Variants in UGT2A1 observed in about 807,000 individuals in gnomAD.
UGT2A1 encodes the protein UDP-glucuronosyltransferase 2A1.
UGT2A1 carries 61 observed loss-of-function variants against 45.4 expected under a neutral mutation model. The ratio of observed to expected loss-of-function variants is 1.34; its 90% CI spans 1.09 to 1.66. UGT2A1 has a LOEUF of 1.66. Ranked by LOEUF, UGT2A1 falls within the 40% of genes most tolerant of loss-of-function variation. The probability of loss-of-function intolerance (pLI) is 0.00; values close to 1 mark genes in which losing one functional copy is unlikely to be tolerated. For synonymous variants in UGT2A1, 229 were observed against 196.2 expected (o/e 1.17, Z -1.40); for missense variants, 649 against 574.3 (o/e 1.13, Z -1.33).
At position 69,638,791 on chromosome 4, in the gene UGT2A1, C is replaced by G. The variant is rs894479278; in HGVS notation, c.716-2969G>C. ...TGTTTGTACAGAGATATAAGAAGTCCATTATCTTCAGCTCAGCATATGCAG... is the reference window on the plus strand; with the variant it reads ...TGTTTGTACAGAGATATAAGAAGTCGATTATCTTCAGCTCAGCATATGCAG... On this transcript the variant is annotated intron_variant, in intron 2 of 6. Coordinates refer to ENST00000286604, the MANE Select transcript of UGT2A1 (RefSeq NM_001252275.3). 5.2e-6 allele frequency: 7 copies of G among 1,341,288 alleles called. No homozygotes were observed. The East Asian group carries it at 1.8e-4, about 34-fold the overall frequency. 83.1% of individuals were successfully genotyped at this position (1,341,288 alleles called of 1,614,324 possible). A position where few individuals can be genotyped will look rare whatever the true frequency, so the allele number is the denominator to read the frequency against.
rs779140284 is a variant in UGT2A1, at chr4:69,604,120, C to T, written c.848-4726G>A. 2.2e-5 allele frequency among the ~76,000 whole-genome samples: 3 copies of T among 135,312 alleles called. 1 individual carries two copies. Among genetic ancestry groups the T allele is most frequent in the Non-Finnish European group, 4.7e-5 (3 of 63,864 alleles). 88.8% of individuals were successfully genotyped at this position (135,312 alleles called of 152,430 possible). A position where few individuals can be genotyped will look rare whatever the true frequency, so the allele number is the denominator to read the frequency against. The stretch of plus-strand genomic sequence containing the variant: ...AACTCCAAGACACATAATTGTCAGA[C>T]TCACCAAAGTAGAAATGAAGGAAAA... On this transcript the variant is annotated intron_variant, in intron 3 of 6. Transcript: ENST00000286604.
chr4:69,599,131 A>C, intron 4 of UGT2A1, 115 bp downstream of exon 4: 1 of 1,399,194 alleles, frequency 7.1e-7, no homozygotes, highest in Non-Finnish European at 9.4e-7. Context: ...ATAGATGTGG[A>C]GTAGCAAACT....
chr4:69,589,434 G>T lies in UGT2A1; in HGVS notation c.1522C>A (p.Gln508Lys), dbSNP rs1718452548. 6.2e-7 allele frequency: 1 copy of T among 1,613,542 alleles called. No individual in the cohort carries two copies. The highest frequency in any genetic ancestry group is 8.5e-7 in the Non-Finnish European group (1 of 1,179,836). The change falls in exon 7 of 7, where the codon CAA becomes AAA. Residue 508 changes from glutamine to lysine, a missense_variant. Coordinates refer to ENST00000286604, the MANE Select transcript of UGT2A1 (RefSeq NM_001252275.3). ...TTTTGACAGGAAAACAAACAACATT[G>T]TATGACCAAAAATATAGCCGTTGTC... ...CVTTAIFLVI[Q>K]CCLFSCQKFG...
rs1718470160 is a variant in UGT2A1, at chr4:69,589,574, C to T, written c.1382G>A (p.Trp461Ter). ...TTTGTGGCGCATGACAAACTCGATC[C>T]AGAAGACTGCTCGATCCAGGGGCTT... ...PVKPLDRAVF[W>*]IEFVMRHKGA... Residue 461 changes from tryptophan (W) to a stop codon, truncating the protein, a stop_gained, in exon 7 of 7, where the codon TGG becomes TAG. Coordinates refer to ENST00000286604, the MANE Select transcript of UGT2A1 (RefSeq NM_001252275.3). LOFTEE classifies it high-confidence loss of function. The T allele has an allele frequency of 1.9e-6, 3 of 1,614,012 alleles. No individual in the cohort carries two copies. Among genetic ancestry groups the T allele is most frequent in the East Asian group, 4.5e-5 (2 of 44,886 alleles).
chr4:69,639,928 A>G (rs770310695), intron 2 of UGT2A1, among the ~76,000 whole-genome samples: 4 of 151,986 alleles, frequency 2.6e-5, no homozygotes, highest in Admixed American at 6.6e-5. Context: ...TCTTTAATAT[A>G]TTTTTCACTA....
intron 3 of UGT2A1, among the ~76,000 whole-genome samples, chr4:69,600,083 AG>A (rs1719180536): frequency 6.6e-6 from 1 of 152,188 alleles, no homozygotes; most frequent in African/African-American, 2.4e-5. Context: ...CTTTGAAAAA[AG>A]TGGTGGGCAG....
Position 69,606,966 on chromosome 4 carries a change from T to C in UGT2A1, c.848-7572A>G, listed in dbSNP as rs1263483242. 4.4e-5 allele frequency among the ~76,000 whole-genome samples: 6 copies of C among 136,452 alleles called. 1 individual carries two copies. 89.5% of individuals were successfully genotyped at this position (136,452 alleles called of 152,430 possible). On this transcript the variant is annotated intron_variant, in intron 3 of 6. Transcript: ENST00000286604. Reference sequence around the variant, plus strand: ...ATTCCATGCTCATGGGTAGGAAGAATCAATATCGAGAAAATGGCCATACTG... The same window carrying C: ...ATTCCATGCTCATGGGTAGGAAGAACCAATATCGAGAAAATGGCCATACTG...
intron 3 of UGT2A1, among the ~76,000 whole-genome samples, chr4:69,617,400 T>C (rs1449223960): frequency 6.6e-6 from 1 of 151,936 alleles, no homozygotes; most frequent in Non-Finnish European, 1.5e-5. Context: ...TACTTATGTT[T>C]ATACAAAGAT....
intron 1 of UGT2A1, among the ~76,000 whole-genome samples, chr4:69,648,577 T>A (rs1333343077): frequency 6.6e-6 from 1 of 151,996 alleles, no homozygotes; most frequent in East Asian, 1.9e-4. Context: ...TTCCTTATTT[T>A]AAAAATTATC....
Position 69,595,558 on chromosome 4 carries a change from G to A in UGT2A1, c.997-309C>T, listed in dbSNP as rs1006060588. 2.6e-5 allele frequency among the ~76,000 whole-genome samples: 4 copies of A among 152,140 alleles called. No homozygotes were observed. In the South Asian group the frequency reaches 8.3e-4, roughly 32 times the overall value. ...GTTTAATCAATCACAACATGAAGGG[G>A]AAAAATCATGAAGAGTGTTATGTGC... On this transcript the variant is annotated intron_variant, in intron 4 of 6. Coordinates refer to ENST00000286604, the MANE Select transcript of UGT2A1 (RefSeq NM_001252275.3).
Position 69,647,472 on chromosome 4 carries a change from G to T in UGT2A1, c.173C>A (p.Ala58Glu). 2 of 1,613,054 alleles carry T rather than the reference G, an allele frequency of 1.2e-6. No homozygotes were observed. Among genetic ancestry groups the T allele is most frequent in the Non-Finnish European group, 8.5e-7 (1 of 1,179,362 alleles). ...GTTAGAGGTTGGTGTGATGAAAAGT[G>T]CACCAGAGGCAACTAGGACAGTCAC... is the stretch of plus-strand genomic sequence containing the variant. The part of the protein sequence containing the change: ...HNVTVLVASG[A>E]LFITPTSNPS... The change falls in exon 2 of 7, where the codon GCA becomes GAA. Residue 58 changes from alanine to glutamate, a missense_variant. Coordinates refer to ENST00000286604, the MANE Select transcript of UGT2A1 (RefSeq NM_001252275.3).
intron 2 of UGT2A1, among the ~76,000 whole-genome samples, chr4:69,637,276 A>G (rs1721764339): frequency 2.6e-5 from 4 of 152,122 alleles, no homozygotes; most frequent in African/African-American, 9.7e-5. Flanking sequence ...TTTACCTTGC[A>G]TATGTTTTAT....
chr4:69,618,827 T>C (rs1720566535), intron 3 of UGT2A1, among the ~76,000 whole-genome samples: 2 of 151,828 alleles, frequency 1.3e-5, no homozygotes, highest in Non-Finnish European at 2.9e-5. Context: ...GAAACAACTA[T>C]TAAATGACAA....
intron 2 of UGT2A1, among the ~76,000 whole-genome samples, chr4:69,645,215 C>T (rs759001664): frequency 6.6e-6 from 1 of 151,748 alleles, no homozygotes; most frequent in Non-Finnish European, 1.5e-5. Flanking sequence ...GAGATTACCT[C>T]TGAGATCTCA....
At chr4:69,651,292 A>G (rs1424440495) in intron 1 of UGT2A1, among the ~76,000 whole-genome samples, 1 of 152,210 alleles carries the variant, frequency 6.6e-6, no homozygotes, top group Non-Finnish European at 1.5e-5. Context: ...AAATCACTGA[A>G]AAGCTAATCT....
intron 6 of UGT2A1, 83 bp from the exon 7 acceptor site, chr4:69,589,734 C>G: frequency 6.6e-7 from 1 of 1,517,636 alleles, no homozygotes; most frequent in Non-Finnish European, 8.8e-7. Flanking sequence ...CACTTTTGCT[C>G]TACAAGTTTA....
At chr4:69,626,367 A>G (rs1164124653) in intron 3 of UGT2A1, among the ~76,000 whole-genome samples, 1 of 151,628 alleles carries the variant, frequency 6.6e-6, no homozygotes, top group Non-Finnish European at 1.5e-5. Context: ...AAAAAACTAT[A>G]TACATATGTA....
At chr4:69,650,608 T>C (rs1430467253) in intron 1 of UGT2A1, among the ~76,000 whole-genome samples, 1 of 151,976 alleles carries the variant, frequency 6.6e-6, no homozygotes, top group Non-Finnish European at 1.5e-5. Flanking sequence ...AAAAATACCA[T>C]AAATTATTAT....
chr4:69,651,336 T>C (rs916301773), intron 1 of UGT2A1, among the ~76,000 whole-genome samples: 1 of 152,110 alleles, frequency 6.6e-6, no homozygotes, highest in Non-Finnish European at 1.5e-5. Flanking sequence ...AGAAACACAT[T>C]GTATGCCTGT....
Sources: allele counts gnomAD v4.1 joint callset (sites outside exome capture counted in the v4.1 genomes callset), GRCh38; gene constraint gnomAD v4.1.1; transcripts MANE v1.5; gene names NCBI Gene and HGNC (gene_info 2026-07-23, HGNC 2026-07-21).